FUT9: variants seen among roughly 807,000 people sequenced by gnomAD.
The protein encoded by FUT9 is 4-galactosyl-N-acetylglucosaminide 3-alpha-L-fucosyltransferase 9.
A neutral mutation model predicts 29.7 loss-of-function variants in FUT9; 15 were observed. The observed-to-expected ratio is 0.51, with a 90% CI of 0.34 to 0.78. FUT9 has a LOEUF of 0.78. FUT9 is among the 30% of genes least tolerant of loss of function. The pLI is 0.01. For synonymous variants in FUT9, 169 were observed against 153.7 expected (o/e 1.10, Z -0.74); for missense variants, 319 against 425.4 (o/e 0.75, Z 2.20).
In FUT9 at chr6:96,026,869, C is replaced by T. The variant is rs1024292443; in HGVS notation, c.-98+10657C>T. Among the ~76,000 whole-genome samples the T allele has an allele frequency of 2.2e-3, 334 of 151,536 alleles. 13 individuals are homozygous for T. The highest frequency in any genetic ancestry group is 0.022 in the Admixed American group (331 of 15,162). On this transcript the variant is annotated intron_variant, in intron 1 of 2. Transcript: ENST00000302103. The stretch of plus-strand genomic sequence containing the variant: ...TGACTGGATTACTCTGAAATTAAAA[C>T]TTGTTGCTTATTACTCTTCGTACTC...
chr6:96,185,954 C>T (rs1301963318), intron 2 of FUT9, among the ~76,000 whole-genome samples: 1 of 152,056 alleles, frequency 6.6e-6, no homozygotes, highest in African/African-American at 2.4e-5. Flanking sequence ...GAAAAATCCT[C>T]CCCTCCAAGG....
chr6:96,016,503 C>G (rs1769981345), intron 1 of FUT9, among the ~76,000 whole-genome samples: 1 of 152,166 alleles, frequency 6.6e-6, no homozygotes, highest in Non-Finnish European at 1.5e-5. Context: ...CCCCGACCCT[C>G]TGGTCACCCC....
At chr6:96,119,853 A>G (rs1771988027) in intron 2 of FUT9, among the ~76,000 whole-genome samples, 1 of 152,160 alleles carries the variant, frequency 6.6e-6, no homozygotes, top group Admixed American at 6.6e-5. Context: ...AGCTTATTTT[A>G]TTAGGTAATT....
At chr6:96,103,027 T>C (rs1166738914) in intron 1 of FUT9, among the ~76,000 whole-genome samples, 1 of 152,146 alleles carries the variant, frequency 6.6e-6, no homozygotes, top group African/African-American at 2.4e-5. Context: ...TTCCTTGGTC[T>C]TGGGCTATGG....
chr6:96,204,072 A>G lies in FUT9; in HGVS notation c.917A>G (p.Asp306Gly), dbSNP rs1773781061. 1 of 1,550,082 alleles carries G rather than the reference A, an allele frequency of 6.5e-7. No homozygotes were observed. The highest frequency in any genetic ancestry group is 8.7e-7 in the Non-Finnish European group (1 of 1,151,040). ...CTAGCAAAGTATCTGAAGGAAGTCG[A>G]CAAAAACAATAAGTTATACCTTAGT... The part of the protein sequence containing the change: ...SELAKYLKEV[D>G]KNNKLYLSYF... The change falls in exon 3 of 3, where the codon GAC (aspartate) becomes GGC (glycine). Residue 306 changes from aspartate to glycine, a missense_variant. Physicochemically the swap from Asp to Gly is moderately conservative, Grantham distance 94. Coordinates refer to ENST00000302103, the MANE Select transcript of FUT9 (RefSeq NM_006581.4).
chr6:96,135,191 T>A (rs1452578876), intron 2 of FUT9, among the ~76,000 whole-genome samples: 1 of 151,960 alleles, frequency 6.6e-6, no homozygotes, highest in Non-Finnish European at 1.5e-5. Context: ...TATACAATCT[T>A]ACAAAAGCTG....
At chr6:96,159,448 AATT>A (rs1235805441) in intron 2 of FUT9, among the ~76,000 whole-genome samples, 1 of 152,126 alleles carries the variant, frequency 6.6e-6, no homozygotes, top group South Asian at 2.1e-4. Flanking sequence ...TTAGAACATA[AATT>A]ATTAAGATGG....
At chr6:96,147,975 G>A (rs576942371) in intron 2 of FUT9, among the ~76,000 whole-genome samples, 67 of 151,576 alleles carry the variant, frequency 4.4e-4, no homozygotes, top group Non-Finnish European at 6.8e-4. Context: ...AAAGAGTACC[G>A]AAGCGAAAAT....
At chr6:96,117,155 A>G (rs1244219920) in intron 2 of FUT9, among the ~76,000 whole-genome samples, 6 of 152,200 alleles carry the variant, frequency 3.9e-5, no homozygotes, top group South Asian at 4.1e-4. Context: ...AGAACTATAC[A>G]TAGACATTGT....
intron 1 of FUT9, among the ~76,000 whole-genome samples, chr6:96,095,377 C>T (rs1015688489): frequency 8.5e-5 from 13 of 152,192 alleles, no homozygotes; most frequent in Admixed American, 5.2e-4. Flanking sequence ...ATTACATTGC[C>T]TGATTGACTC....
At chr6:96,176,372 T>A (rs998822077) in intron 2 of FUT9, among the ~76,000 whole-genome samples, 1 of 151,602 alleles carries the variant, frequency 6.6e-6, no homozygotes, top group African/African-American at 2.4e-5. Context: ...ATATGTTATA[T>A]TTATATATAT....
intron 1 of FUT9, among the ~76,000 whole-genome samples, chr6:96,067,108 A>G (rs1770974828): frequency 6.6e-6 from 1 of 151,050 alleles, no homozygotes; most frequent in Non-Finnish European, 1.5e-5. Flanking sequence ...AGGAATTCCT[A>G]GCTTAAAGGA....
chr6:96,166,623 G>A (rs895613830), intron 2 of FUT9, among the ~76,000 whole-genome samples: 3 of 152,036 alleles, frequency 2.0e-5, no homozygotes, highest in African/African-American at 7.2e-5. Context: ...TTTAAAATGT[G>A]ACATTTGGAC....
intron 2 of FUT9, among the ~76,000 whole-genome samples, chr6:96,138,306 G>A (rs1772397536): frequency 6.6e-6 from 1 of 152,038 alleles, no homozygotes; most frequent in Non-Finnish European, 1.5e-5. Context: ...CAAAGGTAAG[G>A]GCAATTTTTG....
At chr6:96,098,110 G>GA (rs35825355) in intron 1 of FUT9, among the ~76,000 whole-genome samples, 81,296 of 150,554 alleles carry the variant, frequency 0.54, 23,383 homozygotes, top group South Asian at 0.75. Context: ...AGAAAACAAA[G>GA]AAAAAAAAAT....
At chr6:96,059,503 G>C (rs1216312935) in intron 1 of FUT9, among the ~76,000 whole-genome samples, 1 of 152,190 alleles carries the variant, frequency 6.6e-6, no homozygotes, top group South Asian at 2.1e-4. Context: ...TTGTACATAA[G>C]CATCTACAGA....
chr6:96,159,420 G>T (rs542597842), intron 2 of FUT9, among the ~76,000 whole-genome samples: 2 of 152,022 alleles, frequency 1.3e-5, no homozygotes, highest in Non-Finnish European at 2.9e-5. Context: ...ATCAAAGAAT[G>T]AAATAAGACA....
intron 1 of FUT9, among the ~76,000 whole-genome samples, chr6:96,105,735 T>A (rs1189221135): frequency 6.6e-6 from 1 of 152,196 alleles, no homozygotes; most frequent in East Asian, 1.9e-4. Flanking sequence ...ATTCAGTTGT[T>A]TTGAACACTC....
At chr6:96,118,768 G>A (rs928572162) in intron 2 of FUT9, among the ~76,000 whole-genome samples, 19 of 152,148 alleles carry the variant, frequency 1.2e-4, no homozygotes, top group Non-Finnish European at 1.9e-4. Context: ...AGACCTCCCA[G>A]TGAGACAAGA....
Sources: allele counts gnomAD v4.1 joint callset (sites outside exome capture counted in the v4.1 genomes callset), GRCh38; gene constraint gnomAD v4.1.1; transcripts MANE v1.5; gene names NCBI Gene and HGNC (gene_info 2026-07-23, HGNC 2026-07-21).